Variants in LRP1B observed in about 807,000 individuals in gnomAD.
LRP1B encodes low-density lipoprotein receptor-related protein 1B.
LRP1B carries 217 observed loss-of-function variants against 556.6 expected under a neutral mutation model. That is an observed-to-expected ratio of 0.39 (90% confidence interval 0.35 to 0.44). LRP1B has a LOEUF of 0.44. Ranked by LOEUF, LRP1B falls within the 20% of genes least tolerant of loss-of-function variation. The probability of loss-of-function intolerance (pLI) is 1.00; values close to 1 mark genes in which losing one functional copy is unlikely to be tolerated. For missense variants in LRP1B, 5,053 were observed against 5,620.8 expected, an observed-to-expected ratio of 0.90 and a Z score of 3.23; for synonymous variants, 2,047 against 1,865.8, an observed-to-expected ratio of 1.10 and a Z score of -2.50.
intron 83 of LRP1B, among the ~76,000 whole-genome samples, chr2:140,306,490 G>A (rs553425588): frequency 1.0e-3 from 156 of 151,952 alleles, no homozygotes; most frequent in East Asian, 3.5e-3. Flanking sequence ...CTGTGGGATC[G>A]GTGGTGATAT....
chr2:141,524,929 A>C (rs977344622), intron 2 of LRP1B, among the ~76,000 whole-genome samples: 4 of 152,262 alleles, frequency 2.6e-5, no homozygotes, highest in African/African-American at 9.6e-5. Flanking sequence ...TAAAGAAAGA[A>C]TCTAGTAATG....
intron 35 of LRP1B, among the ~76,000 whole-genome samples, chr2:140,748,768 TATATA>T (rs1322110686): frequency 1.1e-5 from 1 of 92,862 alleles, no homozygotes; most frequent in Non-Finnish European, 2.1e-5. Context: ...TATATACATG[TATATA>T]ATATGTATAT....
intron 35 of LRP1B, among the ~76,000 whole-genome samples, chr2:140,723,869 T>C (rs1181808159): frequency 1.3e-5 from 2 of 152,194 alleles, no homozygotes; most frequent in African/African-American, 4.8e-5. Flanking sequence ...ATGAGTCTCA[T>C]TACAAACTTT....
chr2:141,166,193 C>T (rs1457235901), intron 7 of LRP1B, among the ~76,000 whole-genome samples: 1 of 151,840 alleles, frequency 6.6e-6, no homozygotes, highest in Non-Finnish European at 1.5e-5. Flanking sequence ...GTTCTTCCAG[C>T]TTCTCAGATA....
intron 1 of LRP1B, among the ~76,000 whole-genome samples, chr2:141,816,318 G>A (rs572337271): frequency 6.6e-6 from 1 of 152,262 alleles, no homozygotes; most frequent in South Asian, 2.1e-4. Flanking sequence ...CTCAGTCTAG[G>A]TGGGCACCAT....
At chr2:142,017,828 G>GC (rs562132757) in intron 1 of LRP1B, among the ~76,000 whole-genome samples, 108 of 152,246 alleles carry the variant, frequency 7.1e-4, no homozygotes, top group Non-Finnish European at 1.2e-3. Context: ...GGCACAGTGA[G>GC]CCATGTTCTC....
intron 84 of LRP1B, among the ~76,000 whole-genome samples, chr2:140,277,542 G>A (rs947689145): frequency 6.6e-6 from 1 of 151,486 alleles, no homozygotes; most frequent in African/African-American, 2.4e-5. Context: ...AGCCAAGATT[G>A]TGACATTGGA....
chr2:141,846,476 TAA>T, intron 1 of LRP1B, among the ~76,000 whole-genome samples: 1 of 151,698 alleles, frequency 6.6e-6, no homozygotes, highest in Non-Finnish European at 1.5e-5. Context: ...TTATATTAAA[TAA>T]ATTGTTCTAA....
At chr2:140,624,934 C>T (rs141202130) in intron 41 of LRP1B, among the ~76,000 whole-genome samples, 215 of 152,120 alleles carry the variant, frequency 1.4e-3, no homozygotes, top group African/African-American at 5.0e-3. Flanking sequence ...GAAGAAACAG[C>T]GTATGTCAAA....
intron 7 of LRP1B, among the ~76,000 whole-genome samples, chr2:141,134,788 T>C (rs1215561234): frequency 2.0e-5 from 3 of 151,792 alleles, no homozygotes; most frequent in African/African-American, 7.2e-5. Flanking sequence ...TGGATAAGCT[T>C]CTGTGGTACA....
At chr2:140,355,827 A>G (rs1682185303) in intron 75 of LRP1B, among the ~76,000 whole-genome samples, 2 of 151,866 alleles carry the variant, frequency 1.3e-5, no homozygotes, top group Non-Finnish European at 2.9e-5. Flanking sequence ...TACATGCTCA[A>G]TTTTTAAATG....
intron 6 of LRP1B, among the ~76,000 whole-genome samples, chr2:141,211,151 C>T (rs907634254): frequency 6.6e-6 from 1 of 151,934 alleles, no homozygotes; most frequent in African/African-American, 2.4e-5. Flanking sequence ...CCATGCTCAG[C>T]TAATTTTGGT....
chr2:141,390,426 AC>A (rs1330349889), intron 3 of LRP1B, among the ~76,000 whole-genome samples: 2 of 152,212 alleles, frequency 1.3e-5, no homozygotes, highest in Non-Finnish European at 2.9e-5. Flanking sequence ...TGCCAAATGA[AC>A]CAGCAAATCC....
chr2:141,854,765 CTAATG>C (rs909827739), intron 1 of LRP1B, among the ~76,000 whole-genome samples: 1 of 151,972 alleles, frequency 6.6e-6, no homozygotes, highest in Admixed American at 6.6e-5. Context: ...ATAAACATTA[CTAATG>C]TAAACTCATT....
At chr2:141,032,961 G>T (rs1309588309) in intron 11 of LRP1B, among the ~76,000 whole-genome samples, 1 of 151,796 alleles carries the variant, frequency 6.6e-6, no homozygotes, top group African/African-American at 2.4e-5. Context: ...CTACATGGGT[G>T]CCCCAACAAA....
At chr2:140,853,176 T>C (rs1692512806) in intron 27 of LRP1B, among the ~76,000 whole-genome samples, 1 of 152,030 alleles carries the variant, frequency 6.6e-6, no homozygotes, top group African/African-American at 2.4e-5. Flanking sequence ...TGACCTCCCC[T>C]GAAGCAGGTC....
Position 142,078,467 on chromosome 2 carries a change from C to T in LRP1B, c.82+52181G>A, listed in dbSNP as rs72849860. On this transcript the variant is annotated intron_variant, in intron 1 of 90. Transcript: ENST00000389484. ...TACAGTATGCTGTTGATACTATCAT[C>T]TGTATTAGATTTGAGGTCAGAAAAT... 3.8e-3 allele frequency among the ~76,000 whole-genome samples: 582 copies of T among 152,194 alleles called. 4 individuals are homozygous for T. Among genetic ancestry groups the T allele is most frequent in the Non-Finnish European group, 6.1e-3 (412 of 68,016 alleles).
intron 1 of LRP1B, among the ~76,000 whole-genome samples, chr2:142,020,968 A>G (rs1419456882): frequency 6.6e-6 from 1 of 152,242 alleles, no homozygotes. Context: ...ATCTACTTCC[A>G]TGAATGACAG....
intron 63 of LRP1B, among the ~76,000 whole-genome samples, chr2:140,446,265 G>A (rs1361149370): frequency 3.3e-5 from 5 of 151,998 alleles, no homozygotes; most frequent in African/African-American, 4.8e-5. Flanking sequence ...ACTATTAAAG[G>A]AATGCTTTGA....
Sources: gnomAD v4.1 joint callset for allele counts (sites outside exome capture counted in the v4.1 genomes callset) on GRCh38, gnomAD v4.1.1 for gene constraint, MANE v1.5 for transcripts, NCBI Gene and HGNC (gene_info 2026-07-23, HGNC 2026-07-21) for gene names.